The following SLC10A7 variants were observed in gnomAD, a reference collection of about 807,000 sequenced individuals.
The protein encoded by SLC10A7 is solute carrier family 10 member 7, also known as sodium/bile acid cotransporter 7.
A neutral mutation model predicts 43.2 loss-of-function variants in SLC10A7; 29 were observed. That is an observed-to-expected ratio of 0.67 (90% CI 0.50 to 0.92). The LOEUF is 0.92. SLC10A7 is among the 40% of genes least tolerant of loss of function. The pLI is 0.00. For synonymous variants in SLC10A7, 152 were observed against 144.8 expected (o/e 1.05, Z -0.35); for missense variants, 295 against 403.2 (o/e 0.73, Z 2.30).
At chr4:146,431,972 G>A (rs1252833154) in intron 5 of SLC10A7, among the ~76,000 whole-genome samples, 1 of 152,132 alleles carries the variant, frequency 6.6e-6, no homozygotes, top group Non-Finnish European at 1.5e-5. Context: ...AATAAGATGG[G>A]CAAGAGATTT....
chr4:146,505,129 T>C (rs1384218935), intron 3 of SLC10A7, among the ~76,000 whole-genome samples: 2 of 152,152 alleles, frequency 1.3e-5, no homozygotes, highest in African/African-American at 2.4e-5. Flanking sequence ...CAGTTGGCCA[T>C]TTAACAACAT....
intron 4 of SLC10A7, among the ~76,000 whole-genome samples, chr4:146,455,827 T>C (rs1417557192): frequency 6.6e-6 from 1 of 151,962 alleles, no homozygotes; most frequent in South Asian, 2.1e-4. Context: ...CTGTAAATCA[T>C]ATTTTAAACT....
intron 4 of SLC10A7, among the ~76,000 whole-genome samples, chr4:146,480,208 CT>C (rs1326059598): frequency 6.6e-6 from 1 of 151,916 alleles, no homozygotes; most frequent in African/African-American, 2.4e-5. Context: ...AGTAATTCAG[CT>C]CTTCAGTAAT....
Position 146,521,709 on chromosome 4 carries a change from C to T in SLC10A7, c.9G>A (p.Leu3=), listed in dbSNP as rs1235626744. The T allele has an allele frequency of 1.2e-6, 2 of 1,613,962 alleles. No homozygotes were observed. Among genetic ancestry groups the T allele is most frequent in the African/African-American group, 2.7e-5 (2 of 74,922 alleles). Residue 3 remains leucine, a synonymous_variant, in exon 1 of 12, where the codon CTG becomes CTA. Transcript: ENST00000335472. The part of the protein sequence containing the change: MR[L]LERMRKDWFM... ...ACCAGTCTTTCCTCATTCTCTCCAG[C>T]AGCCTCATATTTGTTAGGGTGGGTG...
chr4:146,273,871 T>C (rs905353829), intron 10 of SLC10A7, among the ~76,000 whole-genome samples: 2 of 152,122 alleles, frequency 1.3e-5, no homozygotes, highest in African/African-American at 4.8e-5. Context: ...TCTTGGTAAG[T>C]GCTCATGATC....
rs527660450 is a variant in SLC10A7 at position 146,344,409 on chromosome 4, G to A, written c.436-18413C>T. On this transcript the variant is annotated intron_variant, in intron 5 of 11. Transcript: ENST00000335472. ...CGGTGAAAAGCAGAACTAGGTTAGA[G>A]CCACGCTGCCTGAATTCTTTTCATT... 2.0e-4 allele frequency among the ~76,000 whole-genome samples: 31 copies of A among 152,176 alleles called. 1 individual carries two copies. In the South Asian group the frequency reaches 5.8e-3, roughly 28 times the overall value.
At chr4:146,465,051 T>C (rs1373857389) in intron 4 of SLC10A7, among the ~76,000 whole-genome samples, 1 of 152,086 alleles carries the variant, frequency 6.6e-6, no homozygotes, top group African/African-American at 2.4e-5. Context: ...GAGGAAATAT[T>C]TCCACTAAGA....
Position 146,447,346 on chromosome 4 carries a change from C to T in SLC10A7, c.397-4525G>A, listed in dbSNP as rs186809309. ...CTGGTCTTGAACTCCTGGACTCAAGCGATCCTCCCATCTCAGCCTCCTAAA... is the reference window on the plus strand; with the variant it reads ...CTGGTCTTGAACTCCTGGACTCAAGTGATCCTCCCATCTCAGCCTCCTAAA... On this transcript the variant is annotated intron_variant, in intron 4 of 11. Transcript: ENST00000335472. 3.3e-4 allele frequency among the ~76,000 whole-genome samples: 50 copies of T among 152,088 alleles called. No homozygotes were observed. The East Asian group carries it at 7.0e-3, about 21-fold the overall frequency.
chr4:146,297,316 A>C (rs1456830532), intron 7 of SLC10A7, among the ~76,000 whole-genome samples: 7 of 152,266 alleles, frequency 4.6e-5, no homozygotes, highest in Non-Finnish European at 1.0e-4. Flanking sequence ...AATAGCAGGA[A>C]AGGGTAAAGG....
At chr4:146,424,544 C>T (rs1729187279) in intron 5 of SLC10A7, among the ~76,000 whole-genome samples, 1 of 151,920 alleles carries the variant, frequency 6.6e-6, no homozygotes, top group Admixed American at 6.6e-5. Flanking sequence ...CCTGTAATCC[C>T]AGCTACTCAG....
intron 4 of SLC10A7, among the ~76,000 whole-genome samples, chr4:146,496,317 T>C (rs1247862188): frequency 6.6e-6 from 1 of 152,172 alleles, no homozygotes; most frequent in Non-Finnish European, 1.5e-5. Flanking sequence ...GCATGGTGTC[T>C]TGGCATACTG....
intron 4 of SLC10A7, among the ~76,000 whole-genome samples, chr4:146,491,717 AAGGAAGGAAG>A (rs1735451153): frequency 6.7e-6 from 1 of 149,112 alleles, no homozygotes; most frequent in African/African-American, 2.5e-5. Flanking sequence ...GGAAGGAAGG[AAGGAAGGAAG>A]GAAGGAAGGA....
intron 5 of SLC10A7, among the ~76,000 whole-genome samples, chr4:146,381,979 T>A (rs908301230): frequency 6.6e-6 from 1 of 151,916 alleles, no homozygotes; most frequent in African/African-American, 2.4e-5. Flanking sequence ...CAGAAAATAA[T>A]GATTTCTAAA....
At position 146,256,541 on chromosome 4, in the gene SLC10A7, T is replaced by G. The variant is rs1451679880; in HGVS notation, c.994-21A>C. The stretch of plus-strand genomic sequence containing the variant: ...ACTCCCTACAAGGAAGGAAAACATG[T>G]TCAGAGTTGGACAGTATCCATGAGG... On this transcript the variant is annotated intron_variant, in intron 11 of 11. Coordinates refer to ENST00000335472, the MANE Select transcript of SLC10A7 (RefSeq NM_001029998.6). 5 of 1,613,680 alleles carry G rather than the reference T, an allele frequency of 3.1e-6. No homozygotes were observed. In the East Asian group the frequency reaches 1.1e-4, roughly 36 times the overall value.
chr4:146,264,123 CA>C (rs1355580879), intron 10 of SLC10A7, among the ~76,000 whole-genome samples: 8 of 152,152 alleles, frequency 5.3e-5, no homozygotes, highest in Non-Finnish European at 1.2e-4. Flanking sequence ...CTCTAACAAG[CA>C]AGTAAGGATT....
intron 5 of SLC10A7, among the ~76,000 whole-genome samples, chr4:146,349,094 T>C (rs1212684169): frequency 2.0e-5 from 3 of 152,214 alleles, no homozygotes; most frequent in Admixed American, 6.5e-5. Context: ...GCTCTTATTT[T>C]TCAAATGATT....
intron 4 of SLC10A7, among the ~76,000 whole-genome samples, chr4:146,494,019 A>G (rs1488717894): frequency 6.6e-6 from 1 of 152,252 alleles, no homozygotes; most frequent in East Asian, 1.9e-4. Context: ...TTCTTGAGAC[A>G]GCAATAATAT....
intron 5 of SLC10A7, among the ~76,000 whole-genome samples, chr4:146,328,504 AC>A (rs1182920222): frequency 6.6e-6 from 1 of 151,962 alleles, no homozygotes; most frequent in African/African-American, 2.4e-5. Context: ...TTCCTCTTCT[AC>A]CACTGCTGCT....
At chr4:146,363,644 A>G (rs1736204618) in intron 5 of SLC10A7, among the ~76,000 whole-genome samples, 1 of 152,182 alleles carries the variant, frequency 6.6e-6, no homozygotes, top group Non-Finnish European at 1.5e-5. Flanking sequence ...ATGAAATCAT[A>G]TGAATTATCT....
Sources: gnomAD v4.1 joint callset for allele counts (sites outside exome capture counted in the v4.1 genomes callset) on GRCh38, gnomAD v4.1.1 for gene constraint, MANE v1.5 for transcripts, NCBI Gene and HGNC (gene_info 2026-07-23, HGNC 2026-07-21) for gene names.